Variants in MMP26 observed in about 807,000 individuals in gnomAD.
MMP26 encodes matrix metalloproteinase-26.
In MMP26, 33 loss-of-function variants were observed where a neutral mutation model predicts 31.0. That is an observed-to-expected ratio of 1.06 (90% CI 0.81 to 1.42). The LOEUF is 1.42. MMP26 is among the 40% of genes most tolerant of loss of function. The pLI is 0.00. For missense variants in MMP26, 347 were observed against 316.1 expected (o/e 1.10, Z -0.74); for synonymous variants, 122 against 114.9 (o/e 1.06, Z -0.40).
At chr11:4,710,396 G>C in intron 1 of MMP26, 1 of 456,946 alleles carries the variant, frequency 2.2e-6, no homozygotes, top group Non-Finnish European at 4.4e-6. Context: ...TTGTGCACAT[G>C]CTCATTGCCA....
chr11:4,721,594 A>C (rs1034387139), intron 1 of MMP26, among the ~76,000 whole-genome samples: 2 of 152,060 alleles, frequency 1.3e-5, no homozygotes, highest in Non-Finnish European at 2.9e-5. Context: ...TCTGTTCATG[A>C]GTGGATTTTT....
At position 4,882,783 on chromosome 11, in the gene MMP26, G is replaced by T. The variant is rs370874456; in HGVS notation, c.-144-105285G>T. On this transcript the variant is annotated intron_variant, in intron 2 of 7. Coordinates refer to ENST00000380390, the MANE Select transcript of MMP26 (RefSeq NM_021801.5). ...CCTGTGCTGAACCCTATCATTTACA[G>T]CTTGAAGACCAAGACAATCCGCCAG... is the stretch of plus-strand genomic sequence containing the variant. The T allele has an allele frequency of 2.0e-5, 32 of 1,613,748 alleles. No individual in the cohort carries two copies. Among genetic ancestry groups the T allele is most frequent in the African/African-American group, 5.3e-5 (4 of 74,866 alleles).
chr11:4,771,274 A>G (rs1279759043), intron 2 of MMP26, among the ~76,000 whole-genome samples: 1 of 152,246 alleles, frequency 6.6e-6, no homozygotes, highest in Non-Finnish European at 1.5e-5. Flanking sequence ...GATTAAGTGT[A>G]GAGCATGAGT....
intron 2 of MMP26, chr11:4,848,052 T>C (rs1849899497): frequency 1.6e-6 from 1 of 614,646 alleles, no homozygotes; most frequent in Admixed American, 3.1e-5. Context: ...GTGGATCATG[T>C]TCATTCTTTG....
chr11:4,978,966 A>C (rs1187729388), intron 2 of MMP26, among the ~76,000 whole-genome samples: 1 of 152,172 alleles, frequency 6.6e-6, no homozygotes, highest in African/African-American at 2.4e-5. Context: ...TAAGCATGAT[A>C]CATTGAGCTT....
At chr11:4,769,078 A>T in intron 2 of MMP26, 1 of 1,576,756 alleles carries the variant, frequency 6.3e-7, no homozygotes, top group Non-Finnish European at 8.6e-7. Flanking sequence ...GCAGGTATAC[A>T]TTAGCCATCA....
At chr11:4,810,717 A>G (rs1401334035) in intron 2 of MMP26, among the ~76,000 whole-genome samples, 1 of 152,248 alleles carries the variant, frequency 6.6e-6, no homozygotes, top group Non-Finnish European at 1.5e-5. Context: ...AAAGAAGACC[A>G]TGCCATAGTC....
At chr11:4,794,647 C>T (rs1003677110) in intron 2 of MMP26, among the ~76,000 whole-genome samples, 3 of 152,088 alleles carry the variant, frequency 2.0e-5, no homozygotes, top group Non-Finnish European at 4.4e-5. Flanking sequence ...GTTAGGCAAA[C>T]TGTTAGGAAT....
At chr11:4,853,831 C>A (rs1474610001) in intron 2 of MMP26, among the ~76,000 whole-genome samples, 1 of 151,820 alleles carries the variant, frequency 6.6e-6, no homozygotes, top group Non-Finnish European at 1.5e-5. Context: ...CAAATCATAA[C>A]AAAAAACATA....
intron 2 of MMP26, among the ~76,000 whole-genome samples, chr11:4,841,332 G>A (rs376429375): frequency 4.6e-5 from 7 of 152,020 alleles, no homozygotes; most frequent in Non-Finnish European, 2.9e-5. Context: ...AGAGAATACC[G>A]AATCAATTTA....
At chr11:4,760,873 G>A (rs1848562072) in intron 1 of MMP26, among the ~76,000 whole-genome samples, 1 of 152,202 alleles carries the variant, frequency 6.6e-6, no homozygotes, top group African/African-American at 2.4e-5. Context: ...GTAATAGTGA[G>A]TGTGTGCCAG....
At chr11:4,915,655 C>T (rs747090051) in intron 2 of MMP26, 23 of 1,611,152 alleles carry the variant, frequency 1.4e-5, no homozygotes, top group Middle Eastern at 1.7e-4. Context: ...CCAGGGATCC[C>T]AGGGTCATTG....
intron 2 of MMP26, among the ~76,000 whole-genome samples, chr11:4,826,232 G>A (rs972215812): frequency 2.0e-5 from 3 of 152,086 alleles, no homozygotes; most frequent in East Asian, 1.9e-4. Flanking sequence ...ATTATTGGGC[G>A]TTGCTGTACC....
chr11:4,790,719 T>C (rs931787543), intron 2 of MMP26, among the ~76,000 whole-genome samples: 3 of 152,310 alleles, frequency 2.0e-5, no homozygotes, highest in Non-Finnish European at 2.9e-5. Flanking sequence ...CCACAAATGA[T>C]CAATACACAT....
intron 1 of MMP26, among the ~76,000 whole-genome samples, chr11:4,746,706 C>T (rs1269327772): frequency 6.6e-6 from 1 of 151,958 alleles, no homozygotes; most frequent in Non-Finnish European, 1.5e-5. Context: ...TGGTGGTGGG[C>T]ACCTGTAATC....
intron 1 of MMP26, among the ~76,000 whole-genome samples, chr11:4,720,389 T>G (rs540572104): frequency 6.6e-6 from 1 of 152,354 alleles, no homozygotes; most frequent in African/African-American, 2.4e-5. Context: ...TATTTTAATC[T>G]GGTGGGATTT....
At chr11:4,846,041 C>A (rs946634270) in intron 2 of MMP26, among the ~76,000 whole-genome samples, 5 of 152,140 alleles carry the variant, frequency 3.3e-5, no homozygotes, top group African/African-American at 1.2e-4. Flanking sequence ...ATCCAGCTAT[C>A]CCACTGCTGT....
intron 2 of MMP26, among the ~76,000 whole-genome samples, chr11:4,974,969 G>C (rs1846717275): frequency 6.6e-6 from 1 of 151,876 alleles, no homozygotes; most frequent in South Asian, 2.1e-4. Flanking sequence ...TGAGGTGGGG[G>C]GAGGGAGAGT....
At chr11:4,713,742 A>G (rs1564892697) in intron 1 of MMP26, among the ~76,000 whole-genome samples, 1 of 152,144 alleles carries the variant, frequency 6.6e-6, no homozygotes, top group Non-Finnish European at 1.5e-5. Flanking sequence ...ATATAGGAGG[A>G]AGATAAGTTT....
Sources: gnomAD v4.1 joint callset for allele counts (sites outside exome capture counted in the v4.1 genomes callset) on GRCh38, gnomAD v4.1.1 for gene constraint, MANE v1.5 for transcripts, NCBI Gene and HGNC (gene_info 2026-07-23, HGNC 2026-07-21) for gene names.